SEC23B: variants seen among roughly 807,000 people sequenced by gnomAD.
SEC23B encodes SEC23 homolog B, COPII component.
Under a neutral mutation model 104.3 loss-of-function variants are expected in SEC23B, and 77 were observed. The observed-to-expected ratio is 0.74, with a 90% confidence interval of 0.61 to 0.89. SEC23B has a LOEUF of 0.89. SEC23B is among the 40% of genes least tolerant of loss of function. SEC23B has a pLI of 0.00. For missense variants in SEC23B, 885 were observed against 949.4 expected (o/e 0.93, Z 0.89); for synonymous variants, 338 against 332.5 (o/e 1.02, Z -0.18).
intron 2 of SEC23B, among the ~76,000 whole-genome samples, chr20:18,511,408 G>A (rs533195714): frequency 5.3e-5 from 8 of 152,180 alleles, no homozygotes; most frequent in African/African-American, 1.9e-4. Flanking sequence ...CGAAAGCTTA[G>A]ACCGTCTTCT....
chr20:18,555,227 T>C, intron 19 of SEC23B, 54 bp downstream of exon 19: 4 of 1,429,518 alleles, frequency 2.8e-6, no homozygotes, highest in Non-Finnish European at 3.9e-6. Context: ...TTTTTTAAAC[T>C]TGTTTTAAAA....
chr20:18,532,694 A>G lies in SEC23B; in HGVS notation c.1264A>G (p.Ile422Val), dbSNP rs776230056. ...TCGGGAACTGAAGATTGCAGGAGCCATTGGTCCATGCGTATCTCTGAATGT... is the reference window on the plus strand; with the variant it reads ...TCGGGAACTGAAGATTGCAGGAGCCGTTGGTCCATGCGTATCTCTGAATGT... The part of the protein sequence containing the change: ...TSRELKIAGA[I>V]GPCVSLNVKG... The change falls in exon 11 of 20, where the codon ATT becomes GTT. Residue 422 changes from isoleucine (I) to valine (V), a missense_variant. Ile to Val is a conservative substitution (Grantham distance 29). Transcript: ENST00000650089. 4 of 1,613,918 alleles carry G rather than the reference A, an allele frequency of 2.5e-6. No individual in the cohort carries two copies. In the South Asian group the frequency reaches 3.3e-5, roughly 13 times the overall value.
chr20:18,539,509 CAA>C (rs1187687497), intron 12 of SEC23B, among the ~76,000 whole-genome samples: 18 of 57,128 alleles, frequency 3.2e-4, no homozygotes, highest in Admixed American at 5.6e-4. Flanking sequence ...GACTCCGTCT[CAA>C]AAAAAAAAAA....
chr20:18,521,743 A>G (rs2060085848), intron 4 of SEC23B, among the ~76,000 whole-genome samples: 1 of 152,136 alleles, frequency 6.6e-6, no homozygotes, highest in Non-Finnish European at 1.5e-5. Flanking sequence ...AAGGATTAAA[A>G]GGACTTAAGA....
At chr20:18,554,710 C>T (rs533735396) in intron 18 of SEC23B, among the ~76,000 whole-genome samples, 2 of 151,856 alleles carry the variant, frequency 1.3e-5, no homozygotes, top group South Asian at 2.1e-4. Flanking sequence ...ACCTGTAGTC[C>T]CAGCTATTCG....
At chr20:18,515,924 A>C (rs1481296046) in intron 4 of SEC23B, 188 bp downstream of exon 4, 3 of 611,298 alleles carry the variant, frequency 4.9e-6, no homozygotes, top group Non-Finnish European at 8.9e-6. Flanking sequence ...ATAGAAGGCT[A>C]CTAAAAAGGT....
intron 19 of SEC23B, among the ~76,000 whole-genome samples, 178 bp from the exon 20 acceptor site, chr20:18,560,473 G>A (rs982404918): frequency 2.6e-5 from 4 of 152,204 alleles, no homozygotes; most frequent in African/African-American, 9.7e-5. Flanking sequence ...AGGATTTTGT[G>A]AGGAAATTGT....
intron 3 of SEC23B, among the ~76,000 whole-genome samples, chr20:18,515,147 C>G (rs2060013761): frequency 6.6e-6 from 1 of 152,026 alleles, no homozygotes; most frequent in Non-Finnish European, 1.5e-5. Context: ...TGCTTTTAAA[C>G]ATTTAGAAGT....
chr20:18,520,484 A>G (rs1399751691), intron 4 of SEC23B, among the ~76,000 whole-genome samples: 1 of 152,016 alleles, frequency 6.6e-6, no homozygotes. Flanking sequence ...GGAGGCTTTG[A>G]ACTGGGGAAA....
At chr20:18,509,292 T>G (rs1292944948) in intron 1 of SEC23B, among the ~76,000 whole-genome samples, 1 of 152,222 alleles carries the variant, frequency 6.6e-6, no homozygotes, top group African/African-American at 2.4e-5. Flanking sequence ...ATTCATTTGC[T>G]TTTCTAGCCA....
At chr20:18,532,235 TGTC>T (rs751188128) in intron 10 of SEC23B, among the ~76,000 whole-genome samples, 9 of 152,242 alleles carry the variant, frequency 5.9e-5, no homozygotes, top group Non-Finnish European at 1.2e-4. Context: ...ATGTTGGCCT[TGTC>T]GTTATATTGG....
chr20:18,526,260 C>G (rs760654390), intron 7 of SEC23B, 113 bp from the exon 8 acceptor site: 79 of 1,255,848 alleles, frequency 6.3e-5, no homozygotes, highest in Middle Eastern at 5.2e-4. Context: ...ATTATCACCA[C>G]TTTTTAGGAC....
chr20:18,551,055 G>A, intron 16 of SEC23B, 34 bp from the exon 17 acceptor site: 1 of 1,377,030 alleles, frequency 7.3e-7, no homozygotes, highest in Non-Finnish European at 1.0e-6. Flanking sequence ...GAGCAGGGAA[G>A]ACCAATGCCA....
At chr20:18,544,604 C>T (rs1427318398) in intron 14 of SEC23B, among the ~76,000 whole-genome samples, 1 of 152,148 alleles carries the variant, frequency 6.6e-6, no homozygotes, top group Non-Finnish European at 1.5e-5. Context: ...GGAAGGTACA[C>T]CTTGATTGGG....
rs763625435 is a variant in SEC23B at position 18,543,134 on chromosome 20, G to A, written c.1627G>A (p.Asp543Asn). 2.9e-5 allele frequency: 47 copies of A among 1,614,066 alleles called. No individual in the cohort carries two copies. The highest frequency in any genetic ancestry group is 3.5e-5 in the Non-Finnish European group (41 of 1,180,046). The change falls in exon 14 of 20, where the codon GAT becomes AAT. Residue 543 changes from aspartate (D) to asparagine (N), a missense_variant. Coordinates refer to ENST00000650089, the MANE Select transcript of SEC23B (RefSeq NM_006363.6). ...CCGAGCGGAGTCAGAGGAGGGGCCC[G>A]ATGTGCTCCGGTGGCTGGACCGACA... ...VFRAESEEGP[D>N]VLRWLDRQLI...
At chr20:18,525,477 G>A (rs2060125700) in intron 6 of SEC23B, among the ~76,000 whole-genome samples, 1 of 152,210 alleles carries the variant, frequency 6.6e-6, no homozygotes, top group African/African-American at 2.4e-5. Context: ...CACATAGACT[G>A]AACTCATGTT....
chr20:18,510,385 T>C (rs149866744), intron 1 of SEC23B, among the ~76,000 whole-genome samples: 4 of 152,336 alleles, frequency 2.6e-5, no homozygotes, highest in Middle Eastern at 3.4e-3. Flanking sequence ...ATGATAACTG[T>C]GCGGTTAACT....
chr20:18,532,970 G>A (rs1291876735), intron 11 of SEC23B, among the ~76,000 whole-genome samples: 2 of 152,228 alleles, frequency 1.3e-5, no homozygotes, highest in Non-Finnish European at 2.9e-5. Context: ...TCAGTATCTT[G>A]CTCAGGGTCA....
chr20:18,513,421 G>T (rs1299759112), intron 3 of SEC23B, among the ~76,000 whole-genome samples: 3 of 151,958 alleles, frequency 2.0e-5, no homozygotes, highest in Non-Finnish European at 4.4e-5. Context: ...ACAACTGTAC[G>T]TTTTCTAAAA....
Sources: gnomAD v4.1 joint callset for allele counts (sites outside exome capture counted in the v4.1 genomes callset) on GRCh38, gnomAD v4.1.1 for gene constraint, MANE v1.5 for transcripts, NCBI Gene and HGNC (gene_info 2026-07-23, HGNC 2026-07-21) for gene names.